The following TXNRD2 variants were observed in gnomAD, a reference collection of about 807,000 sequenced individuals.
TXNRD2 encodes thioredoxin reductase 2, mitochondrial.
Under a neutral mutation model 70.8 loss-of-function variants are expected in TXNRD2, and 67 were observed. That is an observed-to-expected ratio of 0.95 (90% CI 0.78 to 1.16). TXNRD2 has a LOEUF of 1.16. Ranked by LOEUF, TXNRD2 falls within the 50% of genes most tolerant of loss-of-function variation. The pLI, the probability that TXNRD2 is intolerant of heterozygous loss-of-function variation, is 0.00. For synonymous variants in TXNRD2, 301 were observed against 295.8 expected (o/e 1.02, Z -0.18); for missense variants, 644 against 719.9 (o/e 0.89, Z 1.21).
At chr22:19,928,744 T>C (rs886343388) in intron 2 of TXNRD2, among the ~76,000 whole-genome samples, 4 of 152,146 alleles carry the variant, frequency 2.6e-5, no homozygotes, top group African/African-American at 7.2e-5. Context: ...CGGTGACTCA[T>C]GCCTGTAATC....
chr22:19,898,028 T>C lies in TXNRD2; in HGVS notation c.774+11A>G, dbSNP rs779646678. The C allele has an allele frequency of 2.8e-5, 44 of 1,550,756 alleles. No homozygotes were observed. The highest frequency in any genetic ancestry group is 9.8e-5 in the Admixed American group (5 of 51,192). Reference sequence around the variant, plus strand: ...AGCCACAGGGGCGGGAGCTGGGGCCTCCAGCACTACCTGGTCGAAGCCGCG... The same window carrying C: ...AGCCACAGGGGCGGGAGCTGGGGCCCCCAGCACTACCTGGTCGAAGCCGCG... On this transcript the variant is annotated intron_variant, in intron 10 of 17. Transcript: ENST00000400521.
At chr22:19,904,666 C>T (rs969181754) in intron 8 of TXNRD2, among the ~76,000 whole-genome samples, 1 of 152,162 alleles carries the variant, frequency 6.6e-6, no homozygotes, top group Non-Finnish European at 1.5e-5. Flanking sequence ...TAGAGAGGGA[C>T]GAGGGAGGCC....
intron 2 of TXNRD2, among the ~76,000 whole-genome samples, chr22:19,926,707 A>C (rs927619377): frequency 6.6e-6 from 1 of 150,692 alleles, no homozygotes; most frequent in Non-Finnish European, 1.5e-5. Context: ...CTTGAGCCCG[A>C]GAGGCCGAGG....
intron 2 of TXNRD2, among the ~76,000 whole-genome samples, chr22:19,923,262 TTC>T (rs1421451725): frequency 1.3e-5 from 2 of 152,216 alleles, no homozygotes; most frequent in African/African-American, 4.8e-5. Flanking sequence ...CCCTTAAGTT[TTC>T]TCTTTTTGAA....
At chr22:19,899,214 G>A (rs182171423) in intron 8 of TXNRD2, 146 bp from the exon 9 acceptor site, 1 of 1,009,118 alleles carries the variant, frequency 9.9e-7, no homozygotes, top group African/African-American at 1.6e-5. Flanking sequence ...TGCCCCAGGG[G>A]ACAAAGCCCA....
chr22:19,911,861 T>C (rs769113496), intron 7 of TXNRD2, among the ~76,000 whole-genome samples: 1 of 152,246 alleles, frequency 6.6e-6, no homozygotes, highest in South Asian at 2.1e-4. Context: ...GAGCAACACC[T>C]GGGTTCTGGG....
At chr22:19,903,252 G>A (rs1939858503) in intron 8 of TXNRD2, among the ~76,000 whole-genome samples, 1 of 152,248 alleles carries the variant, frequency 6.6e-6, no homozygotes, top group South Asian at 2.1e-4. Context: ...GCAGGAACAG[G>A]CAGACCCTGG....
At chr22:19,888,864 T>C in intron 11 of TXNRD2, among the ~76,000 whole-genome samples, 1 of 149,152 alleles carries the variant, frequency 6.7e-6, no homozygotes, top group Middle Eastern at 3.4e-3. Context: ...AAGCTTATTA[T>C]TTTAAAATAT....
intron 1 of TXNRD2, among the ~76,000 whole-genome samples, chr22:19,939,586 T>C (rs1319999006): frequency 1.3e-5 from 2 of 151,466 alleles, no homozygotes; most frequent in Admixed American, 1.3e-4. Flanking sequence ...ATACTAACGA[T>C]AGTGTGTGGA....
At chr22:19,906,283 C>G (rs1403797883) in intron 8 of TXNRD2, among the ~76,000 whole-genome samples, 1 of 152,140 alleles carries the variant, frequency 6.6e-6, no homozygotes, top group Non-Finnish European at 1.5e-5. Context: ...GACCACTGAT[C>G]ACAGCAAATG....
At chr22:19,907,715 G>A (rs1940121387) in intron 8 of TXNRD2, among the ~76,000 whole-genome samples, 1 of 56,576 alleles carries the variant, frequency 1.8e-5, no homozygotes, top group Admixed American at 2.8e-4. Flanking sequence ...ACCGCTCTCA[G>A]GAGAGTGTGG....
rs1938868275 is a variant in TXNRD2, at chr22:19,883,308, C to CCT, written c.1086+16_1086+17insAG. 6.2e-6 allele frequency: 10 copies of CCT among 1,610,984 alleles called. No homozygotes were observed. In the African/African-American group the frequency reaches 1.3e-4, roughly 22 times the overall value. ...CAGGCAGGGGCAGGGGCCCTGGTCC[C>CCT]GGGACGCATGCCGTACCTCCACCAC... On this transcript the variant is annotated intron_variant, in intron 12 of 17. Coordinates refer to ENST00000400521, the MANE Select transcript of TXNRD2 (RefSeq NM_006440.5).
intron 8 of TXNRD2, among the ~76,000 whole-genome samples, chr22:19,904,997 G>C (rs1939941863): frequency 6.6e-6 from 1 of 152,208 alleles, no homozygotes; most frequent in Non-Finnish European, 1.5e-5. Flanking sequence ...AGTGTGAGTG[G>C]AGGCCTCCCC....
At chr22:19,895,897 T>G in intron 10 of TXNRD2, among the ~76,000 whole-genome samples, 1 of 152,190 alleles carries the variant, frequency 6.6e-6, no homozygotes, top group Non-Finnish European at 1.5e-5. Context: ...TTTGGGAGGC[T>G]GAAGTGGGAG....
At chr22:19,889,155 T>G (rs781207693) in intron 11 of TXNRD2, among the ~76,000 whole-genome samples, 33 of 152,036 alleles carry the variant, frequency 2.2e-4, no homozygotes, top group Non-Finnish European at 3.5e-4. Flanking sequence ...GGGGTGAGCT[T>G]CCCCTCAGGC....
intron 10 of TXNRD2, 64 bp downstream of exon 10, chr22:19,897,975 G>T: frequency 7.2e-7 from 1 of 1,380,778 alleles, no homozygotes; most frequent in Non-Finnish European, 1.0e-6. Flanking sequence ...CACCTGCCTG[G>T]GAGGGGGCTG....
At position 19,915,374 on chromosome 22, in the gene TXNRD2, G is replaced by A. The variant is rs116165976; in HGVS notation, c.529-98C>T. 6,742 of 1,225,594 alleles carry A rather than the reference G, an allele frequency of 5.5e-3. 183 individuals carry two copies. The African/African-American group carries it at 0.066, about 12-fold the overall frequency. The allele number at this position is 1,225,594 out of a possible 1,614,324, so 75.9% of individuals were successfully genotyped here. A position where few individuals can be genotyped will look rare whatever the true frequency, so the allele number is the denominator to read the frequency against. On this transcript the variant is annotated intron_variant, in intron 6 of 17. Transcript: ENST00000400521. ...ACAGACCTTGGCCAGCAGTTCCCAC[G>A]GCCCCTGCCCTGTAGCGTGGACCCT... is the stretch of plus-strand genomic sequence containing the variant.
At chr22:19,925,274 A>T (rs1367587231) in intron 2 of TXNRD2, among the ~76,000 whole-genome samples, 2 of 151,812 alleles carry the variant, frequency 1.3e-5, no homozygotes, top group African/African-American at 4.9e-5. Flanking sequence ...ACAGAGCAAG[A>T]CTCCATCTCA....
intron 11 of TXNRD2, among the ~76,000 whole-genome samples, chr22:19,890,950 C>T (rs1939238386): frequency 6.6e-6 from 1 of 152,300 alleles, no homozygotes; most frequent in South Asian, 2.1e-4. Flanking sequence ...ATCTCCTGGG[C>T]ACCCCAGTCT....
Sources: allele counts gnomAD v4.1 joint callset (sites outside exome capture counted in the v4.1 genomes callset), GRCh38; gene constraint gnomAD v4.1.1; transcripts MANE v1.5; gene names NCBI Gene and HGNC (gene_info 2026-07-23, HGNC 2026-07-21).